Variants in RESF1 observed in about 807,000 individuals in gnomAD.
RESF1 encodes gonad expressed transcript.
In RESF1, 65 loss-of-function variants were observed where a neutral mutation model predicts 134.7. The ratio of observed to expected loss-of-function variants is 0.48; its 90% CI spans 0.40 to 0.59. RESF1 has a LOEUF of 0.59. Ranked by LOEUF, RESF1 falls within the 20% of genes least tolerant of loss-of-function variation. The pLI, the probability that RESF1 is intolerant of heterozygous loss-of-function variation, is 0.00. For synonymous variants in RESF1, 762 were observed against 702.2 expected, an observed-to-expected ratio of 1.09 and a Z score of -1.35; for missense variants, 2,274 against 2,002.7, an observed-to-expected ratio of 1.14 and a Z score of -2.59.
rs778711349 is a variant in RESF1, at chr12:31,981,416, G to A, written c.461G>A (p.Ser154Asn). 3.7e-6 allele frequency: 6 copies of A among 1,614,002 alleles called. No homozygotes were observed. In the African/African-American group the frequency reaches 5.3e-5, roughly 14 times the overall value. Reference protein sequence around the residue: ...ANVPNMPALQSQLITSDTYSM... With the variant: ...ANVPNMPALQNQLITSDTYSM... ...GTACCCAATATGCCGGCACTACAGAGTCAACTGATAACATCAGATACCTAT... is the reference window on the plus strand; with the variant it reads ...GTACCCAATATGCCGGCACTACAGAATCAACTGATAACATCAGATACCTAT... The change falls in exon 4 of 6, where the codon AGT (serine) becomes AAT (asparagine). Residue 154 changes from serine to asparagine, a missense_variant. Transcript: ENST00000312561.
In RESF1 at chr12:31,983,914, GAAAC is replaced by G. The variant is rs745625486; in HGVS notation, c.2965_2968del (p.Asn989GlufsTer4). ...CTTAGAGTCATCTTTTAACAATCTT[GAAAC>G]AAACAGAGTTATTCTAGAGAAAAGT... On this transcript the variant is annotated frameshift_variant, in exon 4 of 6. Transcript: ENST00000312561. LOFTEE classifies it high-confidence loss of function. 4.2e-5 allele frequency: 67 copies of G among 1,613,772 alleles called. No individual in the cohort carries two copies. The highest frequency in any genetic ancestry group is 1.7e-4 in the Middle Eastern group (1 of 6,060).
intron 5 of RESF1, among the ~76,000 whole-genome samples, chr12:31,988,109 CAT>C (rs1315104214): frequency 6.6e-6 from 1 of 152,178 alleles, no homozygotes; most frequent in African/African-American, 2.4e-5. Context: ...CAATTATTTA[CAT>C]GTTAATTTGA....
At chr12:31,991,611 T>TTG (rs1271137872) in intron 5 of RESF1, among the ~76,000 whole-genome samples, 3 of 141,058 alleles carry the variant, frequency 2.1e-5, no homozygotes, top group Non-Finnish European at 4.8e-5. Flanking sequence ...CATACAGCAA[T>TTG]TCTGTTTGTT....
chr12:31,981,332 A>G lies in RESF1; in HGVS notation c.377A>G (p.Asn126Ser). 1 of 1,614,132 alleles carries G rather than the reference A, an allele frequency of 6.2e-7. No individual in the cohort carries two copies. The highest frequency in any genetic ancestry group is 8.5e-7 in the Non-Finnish European group (1 of 1,180,022). Residue 126 changes from asparagine to serine, a missense_variant, in exon 4 of 6, where the codon AAT becomes AGT. By Grantham distance (46) the Asn-to-Ser change is conservative (BLOSUM62 1). Coordinates refer to ENST00000312561, the MANE Select transcript of RESF1 (RefSeq NM_018169.4). ...GTATGGTTGAACTCACCAATGAGGAATCCTGTGCATTCTCATATAGGGGCA... is the reference window on the plus strand; with the variant it reads ...GTATGGTTGAACTCACCAATGAGGAGTCCTGTGCATTCTCATATAGGGGCA... Reference protein sequence around the residue: ...QNVWLNSPMRNPVHSHIGATV... With the variant: ...QNVWLNSPMRSPVHSHIGATV...
intron 3 of RESF1, among the ~76,000 whole-genome samples, chr12:31,975,055 A>T (rs193010262): frequency 2.4e-4 from 36 of 151,844 alleles, no homozygotes; most frequent in Non-Finnish European, 3.7e-4. Context: ...CAGGCAGATC[A>T]TGAGGTCAGG....
chr12:31,986,935 T>G (rs1215936282), intron 4 of RESF1, among the ~76,000 whole-genome samples: 5 of 152,218 alleles, frequency 3.3e-5, no homozygotes, highest in African/African-American at 1.2e-4. Context: ...ATGGGAACAT[T>G]GGAAGTGGGT....
chr12:31,992,227 TA>T (rs141046022), intron 5 of RESF1, 150 bp from the exon 6 acceptor site: 110,529 of 686,624 alleles, frequency 0.16, 9,395 homozygotes, highest in African/African-American at 0.22. Context: ...TACAATTCTA[TA>T]AGTGAAGAGC....
Position 31,981,391 on chromosome 12 carries a change from GTACCCAA to G in RESF1, c.439_445del (p.Pro147CysfsTer8). 1 of 1,613,966 alleles carries G rather than the reference GTACCCAA, an allele frequency of 6.2e-7. No individual in the cohort carries two copies. The highest frequency in any genetic ancestry group is 8.5e-7 in the Non-Finnish European group (1 of 1,179,936). On this transcript the variant is annotated frameshift_variant, in exon 4 of 6. Coordinates refer to ENST00000312561, the MANE Select transcript of RESF1 (RefSeq NM_018169.4). LOFTEE classifies it high-confidence loss of function. ...TCATCAAACTGATTTTGGAGCTAAC[GTACCCAA>G]TATGCCGGCACTACAGAGTCAACTG...
At chr12:31,959,614 G>A (rs1475235013) in intron 1 of RESF1, 123 bp downstream of exon 1, 1 of 151,918 alleles carries the variant, frequency 6.6e-6, no homozygotes, top group East Asian at 1.9e-4. Context: ...GAGCGCTTTT[G>A]TTCTGCGGCA....
At chr12:31,973,542 G>T (rs1292581824) in intron 3 of RESF1, among the ~76,000 whole-genome samples, 1 of 151,980 alleles carries the variant, frequency 6.6e-6, no homozygotes, top group Non-Finnish European at 1.5e-5. Flanking sequence ...GTTGTTCAAG[G>T]GTCGATTGTA....
chr12:31,960,496 A>G (rs1939236140), intron 1 of RESF1, among the ~76,000 whole-genome samples: 1 of 152,170 alleles, frequency 6.6e-6, no homozygotes, highest in South Asian at 2.1e-4. Context: ...TTTAATATTA[A>G]TCCAATAAAG....
intron 3 of RESF1, among the ~76,000 whole-genome samples, chr12:31,978,712 A>ATTTT (rs35842957): frequency 2.5e-5 from 3 of 121,902 alleles, no homozygotes; most frequent in Admixed American, 1.8e-4. Flanking sequence ...CACCCAGCTA[A>ATTTT]TTTTTTTTTT....
chr12:31,973,751 T>C (rs1939567019), intron 3 of RESF1, among the ~76,000 whole-genome samples: 1 of 152,138 alleles, frequency 6.6e-6, no homozygotes, highest in Admixed American at 6.5e-5. Context: ...TTGCTAGGGC[T>C]GTGTTTGAGA....
chr12:31,991,099 T>A (rs1428924014), intron 5 of RESF1, among the ~76,000 whole-genome samples: 1 of 151,122 alleles, frequency 6.6e-6, no homozygotes, highest in Non-Finnish European at 1.5e-5. Context: ...CTTGGCAGAC[T>A]GAGGAAGGAG....
Position 31,985,848 on chromosome 12 carries a change from C to T in RESF1, c.4893C>T (p.Asn1631=). The stretch of plus-strand genomic sequence containing the variant: ...TGAAAGGTAACACAGAAAAATCAAA[C>T]ATGCTGGAGTTTAAATTATGTCCAG... The part of the protein sequence containing the change: ...LPVKGNTEKS[N]MLEFKLCPDI... The change falls in exon 4 of 6, where the codon AAC becomes AAT. Residue 1631 remains asparagine, a synonymous_variant. Transcript: ENST00000312561. 6.4e-7 allele frequency: 1 copy of T among 1,563,114 alleles called. No homozygotes were observed. The highest frequency in any genetic ancestry group is 8.6e-7 in the Non-Finnish European group (1 of 1,163,272).
rs761117284 is a variant in RESF1 at position 31,983,869 on chromosome 12, C to G, written c.2914C>G (p.Gln972Glu). Reference sequence around the variant, plus strand: ...AGATGTTTCACATAAAATATGTGATCAGTCAAAGTCAGAGCCACCCTTAGA... The same window carrying G: ...AGATGTTTCACATAAAATATGTGATGAGTCAAAGTCAGAGCCACCCTTAGA... The part of the protein sequence containing the change: ...CTDVSHKICD[Q>E]SKSEPPLESS... Residue 972 changes from glutamine (Q) to glutamate (E), a missense_variant, in exon 4 of 6, where the codon CAG becomes GAG. Gln to Glu is a conservative substitution (Grantham distance 29). Coordinates refer to ENST00000312561, the MANE Select transcript of RESF1 (RefSeq NM_018169.4). 1 of 1,613,530 alleles carries G rather than the reference C, an allele frequency of 6.2e-7. No individual in the cohort carries two copies. Among genetic ancestry groups the G allele is most frequent in the Non-Finnish European group, 8.5e-7 (1 of 1,180,000 alleles).
Position 31,984,380 on chromosome 12 carries a change from A to T in RESF1, c.3425A>T (p.Glu1142Val). The change falls in exon 4 of 6, where the codon GAA (glutamate) becomes GTA (valine). Residue 1142 changes from glutamate to valine, a missense_variant. By Grantham distance (121) the Glu-to-Val change is moderately radical. Coordinates refer to ENST00000312561, the MANE Select transcript of RESF1 (RefSeq NM_018169.4). ...CCTCAGAAAGAAGAGCCCATCACAGAAGTAGTTAGCCAGTGTGACCTGCAG... is the reference window on the plus strand; with the variant it reads ...CCTCAGAAAGAAGAGCCCATCACAGTAGTAGTTAGCCAGTGTGACCTGCAG... ...AEPQKEEPIT[E>V]VVSQCDLQAP... The T allele has an allele frequency of 1.2e-6, 2 of 1,614,106 alleles. No homozygotes were observed. Among genetic ancestry groups the T allele is most frequent in the Non-Finnish European group, 1.7e-6 (2 of 1,180,014 alleles).
intron 3 of RESF1, among the ~76,000 whole-genome samples, chr12:31,972,314 G>A (rs1175558413): frequency 6.6e-6 from 1 of 152,056 alleles, no homozygotes; most frequent in Non-Finnish European, 1.5e-5. Context: ...TCAGAAGTGG[G>A]GGGCAGTCTC....
In RESF1 at chr12:31,964,794, G is replaced by A. The variant is rs560687608; in HGVS notation, c.-247+3923G>A. On this transcript the variant is annotated intron_variant, in intron 2 of 5. Coordinates refer to ENST00000312561, the MANE Select transcript of RESF1 (RefSeq NM_018169.4). ...AAACTTTTGGCCTTAAATTTGTGTT[G>A]TCTTTGGATTGTCAGGTTGTAAGTT... is the stretch of plus-strand genomic sequence containing the variant. Among the ~76,000 whole-genome samples the A allele has an allele frequency of 2.6e-5, 4 of 152,180 alleles. No homozygotes were observed. The South Asian group carries it at 8.3e-4, about 32-fold the overall frequency.
Sources: gnomAD v4.1 joint callset for allele counts (sites outside exome capture counted in the v4.1 genomes callset) on GRCh38, gnomAD v4.1.1 for gene constraint, MANE v1.5 for transcripts, NCBI Gene and HGNC (gene_info 2026-07-23, HGNC 2026-07-21) for gene names.